The following SMYD3 variants were observed in gnomAD, a reference collection of about 807,000 sequenced individuals.
SMYD3 encodes the protein SET and MYND domain containing 3.
SMYD3 carries 36 observed loss-of-function variants against 57.7 expected under a neutral mutation model. The ratio of observed to expected loss-of-function variants is 0.62; its 90% CI spans 0.48 to 0.82. The LOEUF is 0.82. SMYD3 is among the 40% of genes least tolerant of loss of function. SMYD3 has a pLI of 0.00. For missense variants in SMYD3, 515 were observed against 538.8 expected (o/e 0.96, Z 0.44); for synonymous variants, 211 against 195.0 (o/e 1.08, Z -0.68).
At chr1:246,419,961 C>T (rs188953541) in intron 1 of SMYD3, among the ~76,000 whole-genome samples, 20 of 152,300 alleles carry the variant, frequency 1.3e-4, no homozygotes, top group Admixed American at 1.1e-3. Context: ...TTCGGGAGGC[C>T]GAGGCAGGGG....
chr1:246,197,680 T>G (rs10802344), intron 5 of SMYD3, among the ~76,000 whole-genome samples: 50,493 of 151,884 alleles, frequency 0.33, 10,286 homozygotes, highest in East Asian at 0.58. Context: ...GTACAGACAC[T>G]GGGTAAAATC....
chr1:245,761,100 A>C (rs1261328364), intron 11 of SMYD3, among the ~76,000 whole-genome samples: 1 of 152,194 alleles, frequency 6.6e-6, no homozygotes, highest in Non-Finnish European at 1.5e-5. Flanking sequence ...GTTGATCATC[A>C]GACCTTGGCA....
At chr1:246,062,611 T>C (rs2060273639) in intron 5 of SMYD3, among the ~76,000 whole-genome samples, 1 of 152,236 alleles carries the variant, frequency 6.6e-6, no homozygotes, top group South Asian at 2.1e-4. Flanking sequence ...GTTTACATAT[T>C]GATATATTTT....
chr1:246,380,013 A>G (rs954280810), intron 1 of SMYD3, among the ~76,000 whole-genome samples: 9 of 151,556 alleles, frequency 5.9e-5, no homozygotes, highest in South Asian at 2.1e-4. Context: ...GTCTCAAAAA[A>G]AAAAAGAAAG....
At chr1:245,927,842 C>G (rs146839290) in intron 7 of SMYD3, 89 bp downstream of exon 7, 13 of 994,974 alleles carry the variant, frequency 1.3e-5, no homozygotes, top group Non-Finnish European at 2.0e-5. Context: ...AAGTTGTCCC[C>G]TCAGGCACAA....
At chr1:245,808,688 C>T (rs997342049) in intron 10 of SMYD3, among the ~76,000 whole-genome samples, 1 of 152,074 alleles carries the variant, frequency 6.6e-6, no homozygotes, top group Admixed American at 6.5e-5. Flanking sequence ...TGTGCCTCAG[C>T]CTCTTCTTGG....
At chr1:245,900,834 G>A (rs1202111995) in intron 8 of SMYD3, among the ~76,000 whole-genome samples, 2 of 152,156 alleles carry the variant, frequency 1.3e-5, no homozygotes, top group Non-Finnish European at 2.9e-5. Context: ...TCCAACCAAG[G>A]ATGCTGGTGG....
chr1:246,182,541 C>T (rs1372552659), intron 5 of SMYD3, among the ~76,000 whole-genome samples: 1 of 152,152 alleles, frequency 6.6e-6, no homozygotes, highest in Non-Finnish European at 1.5e-5. Flanking sequence ...TATATGACTC[C>T]CAGTACAGTA....
chr1:246,311,915 A>T (rs1438527325), intron 5 of SMYD3, among the ~76,000 whole-genome samples: 1 of 152,224 alleles, frequency 6.6e-6, no homozygotes, highest in Non-Finnish European at 1.5e-5. Flanking sequence ...TGGCTTGAAG[A>T]AACACACTGG....
intron 1 of SMYD3, among the ~76,000 whole-genome samples, chr1:246,484,882 C>G (rs1471536889): frequency 4.8e-5 from 4 of 83,550 alleles, no homozygotes; most frequent in South Asian, 4.3e-4. Flanking sequence ...GAAAACACAT[C>G]ACTTCAACCA....
intron 5 of SMYD3, among the ~76,000 whole-genome samples, chr1:246,031,552 G>A (rs751860721): frequency 7.2e-5 from 11 of 151,964 alleles, no homozygotes; most frequent in East Asian, 1.9e-4. Flanking sequence ...CCTGGCTAAC[G>A]TGGTGAAACC....
intron 10 of SMYD3, among the ~76,000 whole-genome samples, chr1:245,791,952 T>TGTGTG (rs2047289368): frequency 4.1e-5 from 6 of 146,138 alleles, no homozygotes; most frequent in Admixed American, 6.8e-5. Flanking sequence ...AATTTTAAAC[T>TGTGTG]TGTGTGTGTG....
intron 5 of SMYD3, among the ~76,000 whole-genome samples, chr1:246,149,977 T>A (rs79054650): frequency 0.057 from 8,608 of 152,322 alleles, 516 homozygotes; most frequent in East Asian, 0.22. Context: ...AACTTCTATA[T>A]GTACAAGCAA....
intron 5 of SMYD3, among the ~76,000 whole-genome samples, chr1:246,153,418 AGGGAGGGAGGGAGAGG>A (rs1433982286): frequency 2.6e-4 from 6 of 22,814 alleles, no homozygotes; most frequent in Non-Finnish European, 4.3e-4. Context: ...GGAAGGAGGG[AGGGAGGGAGGGAGAGG>A]GGGAGGGAGG....
chr1:245,870,137 C>T (rs1391043617), intron 8 of SMYD3, among the ~76,000 whole-genome samples: 2 of 152,148 alleles, frequency 1.3e-5, no homozygotes, highest in East Asian at 1.9e-4. Flanking sequence ...AACCCATGGG[C>T]GACAGTATTA....
Position 246,101,089 on chromosome 1 carries a change from T to G in SMYD3, c.532-171152A>C, listed in dbSNP as rs545938421. On this transcript the variant is annotated intron_variant, in intron 5 of 11. Coordinates refer to ENST00000490107, the MANE Select transcript of SMYD3 (RefSeq NM_001167740.2). ...GTTTTTTGTTTTTTTTTTTTTTTTT[T>G]TTTTTTTTTTTACAGAGTAAGACGC... is the stretch of plus-strand genomic sequence containing the variant. Among the ~76,000 whole-genome samples, 12 of 140,284 alleles carry G rather than the reference T, an allele frequency of 8.6e-5. No homozygotes were observed. In the East Asian group the frequency reaches 1.4e-3, roughly 16 times the overall value. 92.0% of individuals were successfully genotyped at this position (140,284 alleles called of 152,430 possible).
chr1:245,834,991 A>G (rs2050032204), intron 10 of SMYD3, among the ~76,000 whole-genome samples: 1 of 152,192 alleles, frequency 6.6e-6, no homozygotes, highest in Non-Finnish European at 1.5e-5. Flanking sequence ...ACAGATACAT[A>G]AGGGCAACTA....
rs141467587 is a variant in SMYD3 at position 245,760,864 on chromosome 1, T to C, written c.1185+3177A>G. Reference sequence around the variant, plus strand: ...ATCAGAACAAGAGTTCCTGTAACAATACCCATCTTTAATAGTTTCAGAATG... The same window carrying C: ...ATCAGAACAAGAGTTCCTGTAACAACACCCATCTTTAATAGTTTCAGAATG... On this transcript the variant is annotated intron_variant, in intron 11 of 11. Coordinates refer to ENST00000490107, the MANE Select transcript of SMYD3 (RefSeq NM_001167740.2). Among the ~76,000 whole-genome samples the C allele has an allele frequency of 2.0e-3, 311 of 152,312 alleles. 3 individuals carry two copies. The highest frequency in any genetic ancestry group is 6.3e-3 in the African/African-American group (263 of 41,568).
At chr1:246,201,971 C>T (rs2148365771) in intron 5 of SMYD3, among the ~76,000 whole-genome samples, 1 of 151,286 alleles carries the variant, frequency 6.6e-6, no homozygotes, top group Admixed American at 6.6e-5. Flanking sequence ...TGAGATCATG[C>T]CATTGCACTC....
Sources: gnomAD v4.1 joint callset for allele counts (sites outside exome capture counted in the v4.1 genomes callset) on GRCh38, gnomAD v4.1.1 for gene constraint, MANE v1.5 for transcripts, NCBI Gene and HGNC (gene_info 2026-07-23, HGNC 2026-07-21) for gene names.